Variants in CDH8 observed in about 807,000 individuals in gnomAD.
CDH8 encodes the protein cadherin 8, also known as cadherin-8.
CDH8 carries 17 observed loss-of-function variants against 68.1 expected under a neutral mutation model. The ratio of observed to expected loss-of-function variants is 0.25; its 90% CI spans 0.17 to 0.37. The LOEUF (loss-of-function observed/expected upper bound fraction) is 0.37, where lower values mean the gene tolerates loss of function less well. Ranked by LOEUF, CDH8 falls within the 10% of genes least tolerant of loss-of-function variation. CDH8 has a pLI of 1.00. For missense variants in CDH8, 763 were observed against 999.3 expected, an observed-to-expected ratio of 0.76 and a Z score of 3.19; for synonymous variants, 372 against 365.1, an observed-to-expected ratio of 1.02 and a Z score of -0.21.
chr16:61,656,459 T>C (rs1455076218), intron 10 of CDH8, among the ~76,000 whole-genome samples: 3 of 152,180 alleles, frequency 2.0e-5, no homozygotes, highest in Non-Finnish European at 2.9e-5. Context: ...TATTAAAAGA[T>C]AGACTGTATG....
Position 61,857,214 on chromosome 16 carries a change from G to A in CDH8, c.572C>T (p.Ala191Val). The A allele has an allele frequency of 2.5e-6, 4 of 1,611,892 alleles. No homozygotes were observed. Among genetic ancestry groups the A allele is most frequent in the East Asian group, 2.2e-5 (1 of 44,804 alleles). Residue 191 changes from alanine (A) to valine (V), a missense_variant, in exon 4 of 12, where the codon GCG becomes GTG. Around this residue, in one of 2 missense-constraint regions of CDH8, gnomAD observed 366 missense variants for 563.1 expected, o/e 0.65. Transcript: ENST00000577390. ...ATAAACTGGGTCATCAGCGTCGGTC[G>A]CAGTGACGTTAGTGACAGATGTACC... ...ILGTSVTNVTATDADDPVYGN... is the reference protein window; with the variant it reads ...ILGTSVTNVTVTDADDPVYGN...
At chr16:61,878,454 G>A (rs749922450) in intron 3 of CDH8, among the ~76,000 whole-genome samples, 1 of 152,194 alleles carries the variant, frequency 6.6e-6, no homozygotes, top group Non-Finnish European at 1.5e-5. Flanking sequence ...AGAATGGATA[G>A]AGTCAAAGCT....
In CDH8 at chr16:62,021,576, A is replaced by G. The variant is rs1176023436; in HGVS notation, c.-173T>C. ...AGCAGCTTTTCTAAGACCACAATCC[A>G]TTGGCTTTTCTTTTCATTGAAATTT... On this transcript the variant is annotated 5_prime_UTR_variant, in exon 2 of 12. An upstream start codon of the reference 5' UTR is lost. Coordinates refer to ENST00000577390, the MANE Select transcript of CDH8 (RefSeq NM_001796.5). 3 of 1,354,938 alleles carry G rather than the reference A, an allele frequency of 2.2e-6. No homozygotes were observed. The highest frequency in any genetic ancestry group is 2.9e-5 in the African/African-American group (2 of 67,932). 83.9% of individuals were successfully genotyped at this position (1,354,938 alleles called of 1,614,324 possible). A position where few individuals can be genotyped will look rare whatever the true frequency, so the allele number is the denominator to read the frequency against.
intron 8 of CDH8, among the ~76,000 whole-genome samples, chr16:61,783,548 C>G (rs1010836348): frequency 6.6e-6 from 1 of 151,300 alleles, no homozygotes. Flanking sequence ...CGCAATCTAG[C>G]AAGGCAGGCC....
intron 10 of CDH8, among the ~76,000 whole-genome samples, chr16:61,702,435 T>A (rs574609660): frequency 6.6e-6 from 1 of 151,896 alleles, no homozygotes; most frequent in Non-Finnish European, 1.5e-5. Context: ...TCTTAATGAG[T>A]CAGTGTCATT....
chr16:61,877,520 A>C (rs1373447668), intron 3 of CDH8, among the ~76,000 whole-genome samples: 1 of 152,172 alleles, frequency 6.6e-6, no homozygotes, highest in Non-Finnish European at 1.5e-5. Context: ...CTTGAGACAG[A>C]AAAGAGAATT....
At chr16:61,902,045 T>C (rs1295613290) in intron 2 of CDH8, among the ~76,000 whole-genome samples, 3 of 150,752 alleles carry the variant, frequency 2.0e-5, no homozygotes, top group African/African-American at 7.5e-5. Flanking sequence ...ACAAAAGTAA[T>C]TCTAATATAT....
chr16:61,659,239 A>G (rs1445366557), intron 10 of CDH8, among the ~76,000 whole-genome samples: 1 of 152,210 alleles, frequency 6.6e-6, no homozygotes, highest in Non-Finnish European at 1.5e-5. Flanking sequence ...GGAGGCAAGC[A>G]GCAAATAAAG....
chr16:61,951,175 A>T (rs1421623061), intron 2 of CDH8, among the ~76,000 whole-genome samples: 1 of 152,180 alleles, frequency 6.6e-6, no homozygotes, highest in African/African-American at 2.4e-5. Context: ...GATGCTGAAC[A>T]ATACACATAT....
rs1567546115 is a variant in CDH8, at chr16:61,960,213, G to GTGTGTGTATACACATACATATATACATA, written c.253-58741_253-58740insTATGTATATATGTATGTGTATACACACA. ...TGTGTATACACATACATATATACAT[G>GTGTGTGTATACACATACATATATACATA]TGTGTGTGTATACACACATATATAC... On this transcript the variant is annotated intron_variant, in intron 2 of 11. Transcript: ENST00000577390. 2.2e-4 allele frequency among the ~76,000 whole-genome samples: 5 copies of GTGTGTGTATACACATACATATATACATA among 23,082 alleles called. 1 individual carries two copies. The South Asian group carries it at 6.3e-3, about 29-fold the overall frequency. 15.1% of individuals were successfully genotyped at this position (23,082 alleles called of 152,430 possible). A position where few individuals can be genotyped will look rare whatever the true frequency, so the allele number is the denominator to read the frequency against.
At chr16:61,655,767 C>G in intron 10 of CDH8, 46 bp from the exon 11 acceptor site, 7 of 1,556,342 alleles carry the variant, frequency 4.5e-6, no homozygotes, top group Non-Finnish European at 6.2e-6. Context: ...TTCAAAATGA[C>G]TCTCCAAATA....
intron 9 of CDH8, among the ~76,000 whole-genome samples, chr16:61,724,481 C>T (rs1035976997): frequency 6.6e-6 from 1 of 150,496 alleles, no homozygotes; most frequent in East Asian, 2.0e-4. Context: ...AGAGTTTATA[C>T]AGCCTGGATT....
At chr16:61,675,444 T>G (rs1209222003) in intron 10 of CDH8, among the ~76,000 whole-genome samples, 2 of 96,342 alleles carry the variant, frequency 2.1e-5, no homozygotes, top group Admixed American at 1.5e-4. Context: ...CTCTGGGGAC[T>G]GTGGTGGGGT....
At chr16:61,944,028 A>G (rs2143553065) in intron 2 of CDH8, among the ~76,000 whole-genome samples, 1 of 152,186 alleles carries the variant, frequency 6.6e-6, no homozygotes, top group East Asian at 1.9e-4. Context: ...ATCCTTTTAG[A>G]CTGGGTTTGC....
At chr16:61,869,239 G>A (rs1025150148) in intron 3 of CDH8, among the ~76,000 whole-genome samples, 6 of 152,000 alleles carry the variant, frequency 3.9e-5, no homozygotes, top group Non-Finnish European at 7.4e-5. Context: ...GATGAATACC[G>A]GTCCTTCTTG....
chr16:62,024,552 G>A (rs868861203), intron 1 of CDH8, among the ~76,000 whole-genome samples: 1 of 152,150 alleles, frequency 6.6e-6, no homozygotes, highest in Middle Eastern at 3.2e-3. Flanking sequence ...AGCATTGATT[G>A]CAGTGAGTTC....
chr16:61,719,548 T>A (rs368189638), intron 9 of CDH8, among the ~76,000 whole-genome samples: 2 of 150,974 alleles, frequency 1.3e-5, no homozygotes, highest in African/African-American at 4.8e-5. Context: ...TAAAAACCAC[T>A]CCATCTCTTA....
intron 2 of CDH8, among the ~76,000 whole-genome samples, chr16:61,991,959 CGTT>C (rs923893488): frequency 1.6e-4 from 24 of 151,964 alleles, no homozygotes; most frequent in African/African-American, 5.8e-4. Flanking sequence ...GGATTTAACA[CGTT>C]GTTGTTGTTG....
At chr16:61,817,954 G>A in intron 6 of CDH8, 3 of 430,928 alleles carry the variant, frequency 7.0e-6, no homozygotes, top group Non-Finnish European at 1.2e-5. Flanking sequence ...CTATTGTTTT[G>A]TTTTGCTCAT....
Sources: allele counts gnomAD v4.1 joint callset (sites outside exome capture counted in the v4.1 genomes callset), GRCh38; gene constraint gnomAD v4.1.1; regional missense constraint gnomAD v4.1.1; transcripts MANE v1.5; gene names NCBI Gene and HGNC (gene_info 2026-07-23, HGNC 2026-07-21).